Variants in DTWD1 observed in about 807,000 individuals in gnomAD.
DTWD1 encodes tRNA-uridine aminocarboxypropyltransferase 1.
DTWD1 carries 27 observed loss-of-function variants against 30.2 expected under a neutral mutation model. That is an observed-to-expected ratio of 0.90 (90% confidence interval 0.66 to 1.23). DTWD1 has a LOEUF of 1.23. DTWD1 is among the 50% of genes most tolerant of loss of function. The pLI, the probability that DTWD1 is intolerant of heterozygous loss-of-function variation, is 0.00. For missense variants in DTWD1, 342 were observed against 348.8 expected (o/e 0.98, Z 0.15); for synonymous variants, 99 against 113.1 (o/e 0.88, Z 0.79).
chr15:49,623,364 A>G (rs1458409636), intron 1 of DTWD1, among the ~76,000 whole-genome samples: 1 of 152,136 alleles, frequency 6.6e-6, no homozygotes, highest in East Asian at 1.9e-4. Flanking sequence ...TGTGCAGCAA[A>G]GAGACGCCAA....
rs561345420 is a variant in DTWD1 at position 49,646,609 on chromosome 15, A to C, written c.*3031A>C. ...CTGTCTGAAAAACTTGGATCAATGG[A>C]CTAGAAAAAGCTGCTGGGTAAATTG... is the stretch of plus-strand genomic sequence containing the variant. On this transcript the variant is annotated 3_prime_UTR_variant, in exon 5 of 5. Transcript: ENST00000403028. The C allele has an allele frequency of 6.6e-6, 1 of 152,390 alleles. No homozygotes were observed. Among genetic ancestry groups the C allele is most frequent in the African/African-American group, 2.4e-5 (1 of 41,574 alleles). The allele number at this position is 152,390 out of a possible 1,614,324, so 9.4% of individuals were successfully genotyped here.
rs56259981 is a variant in DTWD1, at chr15:49,651,806, C to G, written c.*8228C>G. 15 of 152,072 alleles carry G rather than the reference C, an allele frequency of 9.9e-5. No individual in the cohort carries two copies. The highest frequency in any genetic ancestry group is 3.4e-4 in the African/African-American group (14 of 41,414). 9.4% of individuals were successfully genotyped at this position (152,072 alleles called of 1,614,324 possible). ...ATTATATCATATCAGATCCGGAAAC[C>G]TATTTTATGGAAAACCAAGCGCAGG... is the stretch of plus-strand genomic sequence containing the variant. On this transcript the variant is annotated 3_prime_UTR_variant, in exon 5 of 5. Transcript: ENST00000403028.
At position 49,652,163 on chromosome 15, in the gene DTWD1, A is replaced by C. The variant is rs2079156088; in HGVS notation, c.*8585A>C. On this transcript the variant is annotated 3_prime_UTR_variant, in exon 5 of 5. Transcript: ENST00000403028. ...CATATGGTACTTTGCACCTCTTCATAACTCTGAACTCTGCAGTGAGAGGTC... is the reference window on the plus strand; with the variant it reads ...CATATGGTACTTTGCACCTCTTCATCACTCTGAACTCTGCAGTGAGAGGTC... The C allele has an allele frequency of 6.6e-6, 1 of 152,080 alleles. No individual in the cohort carries two copies. Among genetic ancestry groups the C allele is most frequent in the Non-Finnish European group, 1.5e-5 (1 of 68,006 alleles). 9.4% of individuals were successfully genotyped at this position (152,080 alleles called of 1,614,324 possible).
At chr15:49,640,052 C>T (rs1377084761) in intron 4 of DTWD1, among the ~76,000 whole-genome samples, 1 of 152,030 alleles carries the variant, frequency 6.6e-6, no homozygotes, top group African/African-American at 2.4e-5. Flanking sequence ...ACTCAAGCAC[C>T]AGTATTTCTA....
intron 2 of DTWD1, among the ~76,000 whole-genome samples, chr15:49,629,011 A>T (rs562216931): frequency 2.2e-4 from 33 of 151,918 alleles, no homozygotes; most frequent in Non-Finnish European, 4.3e-4. Context: ...GACGGGCTCC[A>T]GTGTGTGATG....
chr15:49,642,456 C>T (rs1411734775), intron 4 of DTWD1, among the ~76,000 whole-genome samples: 1 of 152,108 alleles, frequency 6.6e-6, no homozygotes, highest in Non-Finnish European at 1.5e-5. Context: ...CTGCAGCATA[C>T]ATGTGACAGA....
In DTWD1 at chr15:49,645,099, G is replaced by T. The variant is rs2079108743; in HGVS notation, c.*1521G>T. 1 of 152,028 alleles carries T rather than the reference G, an allele frequency of 6.6e-6. No homozygotes were observed. The highest frequency in any genetic ancestry group is 1.5e-5 in the Non-Finnish European group (1 of 67,992). The allele number at this position is 152,028 out of a possible 1,614,324, so 9.4% of individuals were successfully genotyped here. On this transcript the variant is annotated 3_prime_UTR_variant, in exon 5 of 5. Transcript: ENST00000403028. ...GATTCAGAAGGCAAAACATATTAAA[G>T]GTTCTGAAAAGTCCTGAAATAAACA... is the stretch of plus-strand genomic sequence containing the variant.
rs1048348 is a variant in DTWD1 at position 49,644,041 on chromosome 15, T to C, written c.*463T>C. The C allele has an allele frequency of 0.63, 95,233 of 152,250 alleles. 31,168 individuals are homozygous for C. Among genetic ancestry groups the C allele is most frequent in the Non-Finnish European group, 0.73 (49,522 of 68,194 alleles). 9.4% of individuals were successfully genotyped at this position (152,250 alleles called of 1,614,324 possible). A position where few individuals can be genotyped will look rare whatever the true frequency, so the allele number is the denominator to read the frequency against. On this transcript the variant is annotated 3_prime_UTR_variant, in exon 5 of 5. Transcript: ENST00000403028. ...ATAGGCAGAACTAGAATTAGAATTC[T>C]GGTATCTAGGGCTGTTTCTTTAAGT...
At position 49,655,351 on chromosome 15, in the gene DTWD1, G is replaced by A. The variant is rs952452156; in HGVS notation, c.*11773G>A. 4.6e-5 allele frequency: 7 copies of A among 151,986 alleles called. No homozygotes were observed. The highest frequency in any genetic ancestry group is 9.7e-5 in the African/African-American group (4 of 41,390). 9.4% of individuals were successfully genotyped at this position (151,986 alleles called of 1,614,324 possible). A position where few individuals can be genotyped will look rare whatever the true frequency, so the allele number is the denominator to read the frequency against. On this transcript the variant is annotated 3_prime_UTR_variant, in exon 5 of 5. Transcript: ENST00000403028. ...TGATAACTGATACAACAGTCTTTTC[G>A]TTAGTAGAAGAGGGGGTAAGAAAGA... is the stretch of plus-strand genomic sequence containing the variant.
At position 49,632,262 on chromosome 15, in the gene DTWD1, C is replaced by T. The variant is rs754756313; in HGVS notation, c.368C>T (p.Thr123Met). ...GCACCTGAATTTGTAAACATTTACA[C>T]GTATCCGTGTATTCCAGAATATGAA... ...LLAPEFVNIYTYPCIPEYEEK... is the reference protein window; with the variant it reads ...LLAPEFVNIYMYPCIPEYEEK... Residue 123 changes from threonine to methionine, a missense_variant, in exon 3 of 5, where the codon ACG becomes ATG. Transcript: ENST00000403028. 19 of 1,594,982 alleles carry T rather than the reference C, an allele frequency of 1.2e-5. No individual in the cohort carries two copies. The highest frequency in any genetic ancestry group is 1.7e-4 in the Middle Eastern group (1 of 6,014).
intron 2 of DTWD1, among the ~76,000 whole-genome samples, chr15:49,626,388 G>C (rs2078844907): frequency 6.6e-6 from 1 of 152,072 alleles, no homozygotes; most frequent in African/African-American, 2.4e-5. Flanking sequence ...TATCATTAGA[G>C]TGATTTTAAG....
rs2079170055 is a variant in DTWD1 at position 49,654,861 on chromosome 15, T to C, written c.*11283T>C. The C allele has an allele frequency of 6.6e-6, 1 of 151,950 alleles. No homozygotes were observed. Among genetic ancestry groups the C allele is most frequent in the African/African-American group, 2.4e-5 (1 of 41,392 alleles). The allele number at this position is 151,950 out of a possible 1,614,324, so 9.4% of individuals were successfully genotyped here. A position where few individuals can be genotyped will look rare whatever the true frequency, so the allele number is the denominator to read the frequency against. On this transcript the variant is annotated 3_prime_UTR_variant, in exon 5 of 5. Coordinates refer to ENST00000403028, the MANE Select transcript of DTWD1 (RefSeq NM_001144955.2). ...ATCTTACATTTCTGGAGACTGAAAA[T>C]ATGGAAATCCAAGATCAGAGTTTCA... is the stretch of plus-strand genomic sequence containing the variant.
At chr15:49,622,303 C>T (rs1391643557) in intron 1 of DTWD1, among the ~76,000 whole-genome samples, 1 of 152,076 alleles carries the variant, frequency 6.6e-6, no homozygotes, top group Non-Finnish European at 1.5e-5. Flanking sequence ...ATATGTGGAA[C>T]TAATAATAAG....
At position 49,655,507 on chromosome 15, in the gene DTWD1, G is replaced by A. The variant is rs536449143; in HGVS notation, c.*11929G>A. 2 of 151,866 alleles carry A rather than the reference G, an allele frequency of 1.3e-5. No homozygotes were observed. Among genetic ancestry groups the A allele is most frequent in the South Asian group, 2.1e-4 (1 of 4,808 alleles). The allele number at this position is 151,866 out of a possible 1,614,324, so 9.4% of individuals were successfully genotyped here. A position where few individuals can be genotyped will look rare whatever the true frequency, so the allele number is the denominator to read the frequency against. ...TGCAATTTTCTTTAAAACTCTGTGA[G>A]CCTTTATATCAGATTAGTCCACCCC... is the stretch of plus-strand genomic sequence containing the variant. On this transcript the variant is annotated 3_prime_UTR_variant, in exon 5 of 5. Coordinates refer to ENST00000403028, the MANE Select transcript of DTWD1 (RefSeq NM_001144955.2).
At position 49,645,930 on chromosome 15, in the gene DTWD1, T is replaced by C. The variant is rs2079115351; in HGVS notation, c.*2352T>C. On this transcript the variant is annotated 3_prime_UTR_variant, in exon 5 of 5. Transcript: ENST00000403028. The stretch of plus-strand genomic sequence containing the variant: ...AGATGTAACAGTGGCCCTAATTCTT[T>C]ATCCTTGCTTGTATTCATGGTCATT... 2 of 152,238 alleles carry C rather than the reference T, an allele frequency of 1.3e-5. No individual in the cohort carries two copies. Among genetic ancestry groups the C allele is most frequent in the Non-Finnish European group, 2.9e-5 (2 of 68,038 alleles). The allele number at this position is 152,238 out of a possible 1,614,324, so 9.4% of individuals were successfully genotyped here. A position where few individuals can be genotyped will look rare whatever the true frequency, so the allele number is the denominator to read the frequency against.
At chr15:49,634,838 A>C (rs1276962611) in intron 4 of DTWD1, 44 bp downstream of exon 4, 1 of 1,508,602 alleles carries the variant, frequency 6.6e-7, no homozygotes, top group African/African-American at 1.4e-5. Flanking sequence ...CCTCAGACTT[A>C]TTTTGAAAAA....
intron 4 of DTWD1, among the ~76,000 whole-genome samples, chr15:49,638,525 G>C (rs1399098634): frequency 1.3e-5 from 2 of 152,126 alleles, no homozygotes; most frequent in East Asian, 3.9e-4. Flanking sequence ...TATAACCTCT[G>C]TATATGTGAA....
rs2079164107 is a variant in DTWD1 at position 49,653,516 on chromosome 15, A to G, written c.*9938A>G. 6.6e-6 allele frequency: 1 copy of G among 152,178 alleles called. No individual in the cohort carries two copies. The allele number at this position is 152,178 out of a possible 1,614,324, so 9.4% of individuals were successfully genotyped here. A position where few individuals can be genotyped will look rare whatever the true frequency, so the allele number is the denominator to read the frequency against. ...GTGTTGCTTAAGCACACTATAATACATGTGGCAAGAAGCTGCCAGCTAAGC... is the reference window on the plus strand; with the variant it reads ...GTGTTGCTTAAGCACACTATAATACGTGTGGCAAGAAGCTGCCAGCTAAGC... On this transcript the variant is annotated 3_prime_UTR_variant, in exon 5 of 5. Coordinates refer to ENST00000403028, the MANE Select transcript of DTWD1 (RefSeq NM_001144955.2).
intron 2 of DTWD1, among the ~76,000 whole-genome samples, chr15:49,628,883 T>A (rs564174158): frequency 5.9e-5 from 9 of 152,180 alleles, no homozygotes; most frequent in Non-Finnish European, 1.2e-4. Context: ...CTTGGATACA[T>A]GTGCAGAACT....
Sources: gnomAD v4.1 joint callset for allele counts (sites outside exome capture counted in the v4.1 genomes callset) on GRCh38, gnomAD v4.1.1 for gene constraint, MANE v1.5 for transcripts, NCBI Gene and HGNC (gene_info 2026-07-23, HGNC 2026-07-21) for gene names.